The following KDM1B variants were observed in gnomAD, a reference collection of about 807,000 sequenced individuals.
The protein encoded by KDM1B is lysine demethylase 1B.
A neutral mutation model predicts 107.4 loss-of-function variants in KDM1B; 63 were observed. The observed-to-expected ratio is 0.59, with a 90% CI of 0.48 to 0.72. The LOEUF (loss-of-function observed/expected upper bound fraction) is 0.72. Among genes scored for constraint, KDM1B ranks in the 30% least tolerant of loss-of-function variants. The pLI is 0.00. For missense variants in KDM1B, 749 were observed against 1,020.8 expected (o/e 0.73, Z 3.63); for synonymous variants, 363 against 363.9 (o/e 1.00, Z 0.03).
At position 18,186,233 on chromosome 6, in the gene KDM1B, A is replaced by G. The variant is rs978243879; in HGVS notation, c.573+423A>G. Among the ~76,000 whole-genome samples the G allele has an allele frequency of 6.6e-6, 1 of 152,162 alleles. No homozygotes were observed. The highest frequency in any genetic ancestry group is 1.5e-5 in the Non-Finnish European group (1 of 68,024). On this transcript the variant is annotated intron_variant, in intron 8 of 21. Coordinates refer to ENST00000650836, the MANE Select transcript of KDM1B (RefSeq NM_001364614.2). The surrounding 1 kb of genome is among the most constrained non-coding windows in gnomAD (Gnocchi z 5.6). ...TGTTCTTATGCATTCTGACCTCAGC[A>G]TGTTGGCTTTGTCCTGTCCTCATGC...
intron 5 of KDM1B, among the ~76,000 whole-genome samples, chr6:18,164,283 G>A (rs1396148857): frequency 6.6e-6 from 1 of 151,614 alleles, no homozygotes; most frequent in African/African-American, 2.4e-5. Context: ...GTGCACTACC[G>A]CACCTGGCTG....
intron 2 of KDM1B, among the ~76,000 whole-genome samples, chr6:18,158,559 C>CCA (rs1784779179): frequency 6.6e-6 from 1 of 152,096 alleles, no homozygotes; most frequent in Non-Finnish European, 1.5e-5. Context: ...TTTTATGGTT[C>CCA]CACTTTTCCA....
rs1251892814 is a variant in KDM1B, at chr6:18,223,570, T to C, written c.*1578T>C. 6.6e-6 allele frequency: 1 copy of C among 152,192 alleles called. No individual in the cohort carries two copies. The highest frequency in any genetic ancestry group is 1.9e-4 in the East Asian group (1 of 5,198). The allele number at this position is 152,192 out of a possible 1,614,324, so 9.4% of individuals were successfully genotyped here. Reference sequence around the variant, plus strand: ...TGAAATGGTTAACAGTAAATTATTATGTTAGTTTCCAGGCACTTGAACTGT... The same window carrying C: ...TGAAATGGTTAACAGTAAATTATTACGTTAGTTTCCAGGCACTTGAACTGT... On this transcript the variant is annotated 3_prime_UTR_variant, in exon 22 of 22. Transcript: ENST00000650836.
rs764000324 is a variant in KDM1B at position 18,222,124 on chromosome 6, G to C, written c.*132G>C. ...AACTGAAATGTTTCTAAGGCGATAT[G>C]ATAATGCAAACCTATTTCATCACTC... On this transcript the variant is annotated 3_prime_UTR_variant, in exon 22 of 22. Transcript: ENST00000650836. 9 of 828,132 alleles carry C rather than the reference G, an allele frequency of 1.1e-5. No homozygotes were observed. The African/African-American group carries it at 1.5e-4, about 14-fold the overall frequency. 51.3% of individuals were successfully genotyped at this position (828,132 alleles called of 1,614,324 possible).
At chr6:18,207,562 C>T (rs763459227) in intron 16 of KDM1B, 33 bp downstream of exon 16, 3 of 1,612,294 alleles carry the variant, frequency 1.9e-6, no homozygotes, top group Non-Finnish European at 2.5e-6. Context: ...CTCTGGCTCG[C>T]CTTGTTTGGG....
At chr6:18,179,860 T>C (rs1286395320) in intron 7 of KDM1B, among the ~76,000 whole-genome samples, 11 of 127,974 alleles carry the variant, frequency 8.6e-5, no homozygotes, top group East Asian at 2.2e-4. Flanking sequence ...CTTTTTTTTT[T>C]TTTTTTTTTT....
At position 18,223,809 on chromosome 6, in the gene KDM1B, A is replaced by ATAGC. The variant is rs1462928438; in HGVS notation, c.*1819_*1822dup. On this transcript the variant is annotated 3_prime_UTR_variant, in exon 22 of 22. Coordinates refer to ENST00000650836, the MANE Select transcript of KDM1B (RefSeq NM_001364614.2). ...ACAATGTTTTAACTACAGTTCATGAATAGCTGGTTGTGTAAAACTAATAAA... is the reference window on the plus strand; with the variant it reads ...ACAATGTTTTAACTACAGTTCATGAATAGCTAGCTGGTTGTGTAAAACTAATAAA... The ATAGC allele has an allele frequency of 6.6e-6, 1 of 152,214 alleles. No homozygotes were observed. Among genetic ancestry groups the ATAGC allele is most frequent in the Non-Finnish European group, 1.5e-5 (1 of 68,032 alleles). 9.4% of individuals were successfully genotyped at this position (152,214 alleles called of 1,614,324 possible).
At chr6:18,161,597 C>T (rs1784976065) in intron 4 of KDM1B, 143 bp downstream of exon 4, 2 of 872,976 alleles carry the variant, frequency 2.3e-6, no homozygotes, top group South Asian at 3.5e-5. Context: ...ATTGCCCAGA[C>T]ATTCTGTACA....
chr6:18,195,492 G>C (rs1356986945), intron 10 of KDM1B, among the ~76,000 whole-genome samples: 1 of 152,128 alleles, frequency 6.6e-6, no homozygotes, highest in Admixed American at 6.6e-5. Flanking sequence ...CCAGCACTTT[G>C]GGAGGTCGAG....
chr6:18,182,498 C>G (rs939791962), intron 7 of KDM1B, among the ~76,000 whole-genome samples: 1 of 151,882 alleles, frequency 6.6e-6, no homozygotes, highest in Non-Finnish European at 1.5e-5. Context: ...AAGATGTGTC[C>G]ATGTAAGTAT....
rs1387257657 is a variant in KDM1B, at chr6:18,179,849, CCTTT to C, written c.535-5922_535-5919del. 1.7e-3 allele frequency among the ~76,000 whole-genome samples: 164 copies of C among 96,282 alleles called. 45 individuals are homozygous for C. Among genetic ancestry groups the C allele is most frequent in the African/African-American group, 6.5e-3 (157 of 24,106 alleles). The allele number at this position is 96,282 out of a possible 152,430, so 63.2% of individuals were successfully genotyped here. On this transcript the variant is annotated intron_variant, in intron 7 of 21. Transcript: ENST00000650836. ...TTTCAATTTAGCATTGGTTTTTTTT[CCTTT>C]TTTTTTTTTTTTTTTTTTTTTTTTT...
chr6:18,221,202 T>G (rs2151062179), intron 21 of KDM1B, among the ~76,000 whole-genome samples: 1 of 152,208 alleles, frequency 6.6e-6, no homozygotes, highest in Middle Eastern at 3.4e-3. Context: ...TGACTACACT[T>G]CACTTCACCT....
Position 18,222,082 on chromosome 6 carries a change from C to A in KDM1B, c.*90C>A, listed in dbSNP as rs1160328892. ...TCAGTTTTATAAGAGGGGGAAAAAA[C>A]CGTCTCTACATAGTAAAACTGAAAT... On this transcript the variant is annotated 3_prime_UTR_variant, in exon 22 of 22. Transcript: ENST00000650836. 1.8e-6 allele frequency: 2 copies of A among 1,131,302 alleles called. No homozygotes were observed. Among genetic ancestry groups the A allele is most frequent in the East Asian group, 2.4e-5 (1 of 42,498 alleles). 70.1% of individuals were successfully genotyped at this position (1,131,302 alleles called of 1,614,324 possible).
chr6:18,183,891 A>C (rs1216006849), intron 7 of KDM1B, among the ~76,000 whole-genome samples: 1 of 152,116 alleles, frequency 6.6e-6, no homozygotes, highest in South Asian at 2.1e-4. Context: ...TACTGTGAGC[A>C]TTCTTGCCTG....
chr6:18,189,068 G>T (rs1787095617), intron 9 of KDM1B, among the ~76,000 whole-genome samples: 1 of 152,086 alleles, frequency 6.6e-6, no homozygotes, highest in Non-Finnish European at 1.5e-5. Context: ...ACAGACATGA[G>T]CCAGTGCACC....
At chr6:18,190,157 A>G (rs111823900) in intron 9 of KDM1B, among the ~76,000 whole-genome samples, 3,322 of 74,294 alleles carry the variant, frequency 0.045, 122 homozygotes, top group African/African-American at 0.11. Context: ...CTCGAGAAAA[A>G]AAAAAAGTTA....
intron 7 of KDM1B, among the ~76,000 whole-genome samples, chr6:18,183,100 G>T (rs1786588577): frequency 6.6e-6 from 1 of 152,042 alleles, no homozygotes; most frequent in South Asian, 2.1e-4. Context: ...ATGTAAGGAG[G>T]AAAGAATGAA....
chr6:18,194,035 G>A (rs1302617369), intron 10 of KDM1B, among the ~76,000 whole-genome samples: 18 of 151,974 alleles, frequency 1.2e-4, no homozygotes, highest in African/African-American at 7.3e-5. Flanking sequence ...CACCAAACCC[G>A]GCTAATTTTT....
chr6:18,214,941 AAAG>A lies in KDM1B; in HGVS notation c.2110-64_2110-62del, dbSNP rs1275265932. 1 of 1,530,154 alleles carries A rather than the reference AAAG, an allele frequency of 6.5e-7. No homozygotes were observed. The highest frequency in any genetic ancestry group is 1.4e-5 in the African/African-American group (1 of 70,930). 94.8% of individuals were successfully genotyped at this position (1,530,154 alleles called of 1,614,324 possible). On this transcript the variant is annotated intron_variant, in intron 19 of 21. Transcript: ENST00000650836. This position sits in a 1 kb window ranked among gnomAD's most constrained non-coding sequence, Gnocchi z 4.4. ...AACAAAACAAAACAAAAAACAAAAA[AAAG>A]AGGCCCTTATCTGTGGGAGCTGAGC... is the stretch of plus-strand genomic sequence containing the variant.
Sources: gnomAD v4.1 joint callset for allele counts (sites outside exome capture counted in the v4.1 genomes callset) on GRCh38, gnomAD v4.1.1 for gene constraint, Gnocchi (gnomAD v3.1) non-coding constraint, MANE v1.5 for transcripts, NCBI Gene and HGNC (gene_info 2026-07-23, HGNC 2026-07-21) for gene names.